APBB2: variants seen among roughly 807,000 people sequenced by gnomAD.
The protein encoded by APBB2 is Fe65-like 1.
Under a neutral mutation model 82.5 loss-of-function variants are expected in APBB2, and 38 were observed. The observed-to-expected ratio is 0.46, with a 90% CI of 0.36 to 0.60. The LOEUF (loss-of-function observed/expected upper bound fraction) is 0.60. Among genes scored for constraint, APBB2 ranks in the 20% least tolerant of loss-of-function variants. The probability of loss-of-function intolerance (pLI) is 0.00; values close to 1 mark genes in which losing one functional copy is unlikely to be tolerated. For synonymous variants in APBB2, 341 were observed against 368.2 expected (o/e 0.93, Z 0.85); for missense variants, 772 against 972.3 (o/e 0.79, Z 2.74).
At chr4:41,105,725 A>T (rs1182905299) in intron 2 of APBB2, among the ~76,000 whole-genome samples, 6 of 152,134 alleles carry the variant, frequency 3.9e-5, no homozygotes, top group African/African-American at 9.7e-5. Flanking sequence ...TCTACTAAAA[A>T]TACAAAAAAA....
At chr4:41,195,204 G>A in intron 1 of APBB2, among the ~76,000 whole-genome samples, 1 of 152,056 alleles carries the variant, frequency 6.6e-6, no homozygotes, top group Admixed American at 6.6e-5. Flanking sequence ...AAGTCCAACT[G>A]CCCAGTCCAT....
chr4:41,000,462 A>G (rs772804701), intron 6 of APBB2, among the ~76,000 whole-genome samples: 4 of 152,132 alleles, frequency 2.6e-5, no homozygotes, highest in Non-Finnish European at 4.4e-5. Context: ...TACTATTACT[A>G]TTCTCATTTT....
chr4:40,823,552 G>T, intron 16 of APBB2, 92 bp downstream of exon 16: 1 of 894,104 alleles, frequency 1.1e-6, no homozygotes, highest in African/African-American at 1.6e-5. Flanking sequence ...CACAACTCCG[G>T]CCTTGACTAT....
chr4:41,192,050 T>G lies in APBB2; in HGVS notation c.-417+22355A>C, dbSNP rs529516693. 1.4e-4 allele frequency among the ~76,000 whole-genome samples: 21 copies of G among 152,240 alleles called. No individual in the cohort carries two copies. The South Asian group carries it at 4.2e-3, about 30-fold the overall frequency. On this transcript the variant is annotated intron_variant, in intron 1 of 17. Transcript: ENST00000508593. ...AAAGAAACTCAACATCAATTAATCA[T>G]CAAGGAAATGCAAATTGAAATTAAA...
At chr4:41,001,877 C>CA (rs548069823) in intron 6 of APBB2, among the ~76,000 whole-genome samples, 4,223 of 117,726 alleles carry the variant, frequency 0.036, 159 homozygotes, top group African/African-American at 0.098. Context: ...GACTCCGCCT[C>CA]AAAAAAAAAA....
At chr4:40,993,656 G>C (rs1370470214) in intron 6 of APBB2, among the ~76,000 whole-genome samples, 1 of 151,806 alleles carries the variant, frequency 6.6e-6, no homozygotes, top group Non-Finnish European at 1.5e-5. Flanking sequence ...CCAAAGTGCT[G>C]GGATTACAGC....
intron 10 of APBB2, among the ~76,000 whole-genome samples, chr4:40,901,448 G>T (rs1775262959): frequency 6.6e-6 from 1 of 152,054 alleles, no homozygotes; most frequent in African/African-American, 2.4e-5. Context: ...GGTGGGGGTG[G>T]GGGGTGCTCT....
chr4:41,011,926 A>G (rs1427970840), intron 6 of APBB2, among the ~76,000 whole-genome samples: 1 of 152,156 alleles, frequency 6.6e-6, no homozygotes, highest in African/African-American at 2.4e-5. Flanking sequence ...GCAATGGCAT[A>G]ATCATGGTTA....
At chr4:41,063,278 G>T (rs1031510244) in intron 4 of APBB2, among the ~76,000 whole-genome samples, 2 of 152,128 alleles carry the variant, frequency 1.3e-5, no homozygotes, top group African/African-American at 4.8e-5. Context: ...GATTATGTAG[G>T]TGCTTATATA....
chr4:41,127,261 T>C lies in APBB2; in HGVS notation c.-261+15726A>G, dbSNP rs577234446. The stretch of plus-strand genomic sequence containing the variant: ...CCAAACAACCATAATGAAAAGTCTT[T>C]TGGGGAAACCCAAAGATTTCTAAGC... On this transcript the variant is annotated intron_variant, in intron 2 of 17. Transcript: ENST00000508593. The surrounding 1 kb of genome is among the most constrained non-coding windows in gnomAD (Gnocchi z 4.8). Among the ~76,000 whole-genome samples, 4 of 152,356 alleles carry C rather than the reference T, an allele frequency of 2.6e-5. No homozygotes were observed. Among genetic ancestry groups the C allele is most frequent in the African/African-American group, 9.6e-5 (4 of 41,588 alleles).
intron 1 of APBB2, among the ~76,000 whole-genome samples, chr4:41,161,694 G>C (rs961008290): frequency 9.2e-5 from 14 of 152,202 alleles, no homozygotes; most frequent in Admixed American, 2.6e-4. Context: ...ATTTACTCAG[G>C]AGAGTAGGTG....
intron 4 of APBB2, among the ~76,000 whole-genome samples, chr4:41,059,227 G>A (rs536954725): frequency 9.2e-5 from 14 of 152,346 alleles, no homozygotes; most frequent in African/African-American, 2.9e-4. Context: ...TTGGGAGGCC[G>A]AGGCAGGCGG....
intron 3 of APBB2, among the ~76,000 whole-genome samples, chr4:41,093,768 C>T (rs911664148): frequency 1.3e-5 from 2 of 151,890 alleles, no homozygotes; most frequent in South Asian, 2.1e-4. Context: ...GCGGAAGAAT[C>T]GCTTGAATCT....
At chr4:41,072,446 A>G (rs1377601476) in intron 3 of APBB2, among the ~76,000 whole-genome samples, 1 of 152,226 alleles carries the variant, frequency 6.6e-6, no homozygotes, top group East Asian at 1.9e-4. Flanking sequence ...TTTCTGTTAT[A>G]GTACCAACCT....
chr4:41,096,464 T>A (rs181280901), intron 3 of APBB2, among the ~76,000 whole-genome samples: 3 of 152,332 alleles, frequency 2.0e-5, no homozygotes, highest in Admixed American at 2.0e-4. Context: ...ATATATTTAA[T>A]TGTATCATGT....
chr4:40,971,583 T>A (rs1578856730), intron 6 of APBB2, among the ~76,000 whole-genome samples: 1 of 152,224 alleles, frequency 6.6e-6, no homozygotes, highest in Non-Finnish European at 1.5e-5. Context: ...TCATGGCTTC[T>A]GCAATATTTT....
At chr4:41,128,223 T>C (rs1472421720) in intron 2 of APBB2, among the ~76,000 whole-genome samples, 1 of 152,180 alleles carries the variant, frequency 6.6e-6, no homozygotes, top group African/African-American at 2.4e-5. Flanking sequence ...TGATATACTG[T>C]CTTATACCAG....
intron 4 of APBB2, among the ~76,000 whole-genome samples, chr4:41,035,810 T>A (rs974378094): frequency 6.6e-6 from 1 of 152,180 alleles, no homozygotes; most frequent in African/African-American, 2.4e-5. Context: ...AACAATACAG[T>A]ACAGCAAAAC....
chr4:40,876,005 T>A (rs949648572), intron 12 of APBB2, among the ~76,000 whole-genome samples: 3 of 152,252 alleles, frequency 2.0e-5, no homozygotes, highest in African/African-American at 7.2e-5. Flanking sequence ...TGTGTGTGAT[T>A]CTTCCTGGCT....
Sources: allele counts gnomAD v4.1 joint callset (sites outside exome capture counted in the v4.1 genomes callset), GRCh38; gene constraint gnomAD v4.1.1; non-coding constraint Gnocchi (gnomAD v3.1); transcripts MANE v1.5; gene names NCBI Gene and HGNC (gene_info 2026-07-23, HGNC 2026-07-21).